The following MORF4L1 variants were observed in gnomAD, a reference collection of about 807,000 sequenced individuals.
The protein encoded by MORF4L1 is mortality factor 4-like protein 1.
MORF4L1 carries 4 observed loss-of-function variants against 52.9 expected under a neutral mutation model. That is an observed-to-expected ratio of 0.08 (90% CI 0.04 to 0.17). The LOEUF (loss-of-function observed/expected upper bound fraction) is 0.17. Among genes scored for constraint, MORF4L1 ranks in the 10% least tolerant of loss-of-function variants. The pLI, the probability that MORF4L1 is intolerant of heterozygous loss-of-function variation, is 1.00. For synonymous variants in MORF4L1, 123 were observed against 134.8 expected (o/e 0.91, Z 0.61); for missense variants, 214 against 390.4 (o/e 0.55, Z 3.81).
chr15:78,885,107 C>T (rs2141471235), intron 3 of MORF4L1: 1 of 1,538,868 alleles, frequency 6.5e-7, no homozygotes, highest in Non-Finnish European at 8.9e-7. Context: ...TTGAAATTTT[C>T]TCTAGGAAAT....
chr15:78,873,160 C>A, intron 1 of MORF4L1, 103 bp downstream of exon 1: 1 of 1,536,894 alleles, frequency 6.5e-7, no homozygotes, highest in South Asian at 1.2e-5. Context: ...GGGCTGCGCC[C>A]TGAGAAGGCG....
At chr15:78,877,896 G>GT in intron 1 of MORF4L1, 1 of 237,546 alleles carries the variant, frequency 4.2e-6, no homozygotes, top group East Asian at 8.4e-5. Flanking sequence ...CAGATATATA[G>GT]TTAAAACCAA....
At chr15:78,885,493 A>G (rs2056686189) in intron 3 of MORF4L1, among the ~76,000 whole-genome samples, 1 of 152,234 alleles carries the variant, frequency 6.6e-6, no homozygotes, top group Non-Finnish European at 1.5e-5. Flanking sequence ...ATTAGTGTGT[A>G]TTCATTTGTG....
At chr15:78,894,931 A>G (rs1208162822) in intron 11 of MORF4L1, 27 bp downstream of exon 11, 3 of 1,563,578 alleles carry the variant, frequency 1.9e-6, no homozygotes, top group Admixed American at 1.7e-5. Flanking sequence ...AATTATAAAC[A>G]TGGATTTGAA....
intron 4 of MORF4L1, 165 bp downstream of exon 4, chr15:78,886,392 C>A: frequency 1.5e-6 from 1 of 649,320 alleles, no homozygotes; most frequent in Non-Finnish European, 2.8e-6. Context: ...CAAGCCATAT[C>A]TAGGTAAAGG....
At chr15:78,876,261 T>C (rs1332176701) in intron 1 of MORF4L1, among the ~76,000 whole-genome samples, 1 of 151,548 alleles carries the variant, frequency 6.6e-6, no homozygotes, top group Non-Finnish European at 1.5e-5. Flanking sequence ...TAATGATTCT[T>C]GTAAACTTGT....
intron 11 of MORF4L1, among the ~76,000 whole-genome samples, chr15:78,895,904 C>T (rs985786243): frequency 7.9e-5 from 12 of 152,034 alleles, no homozygotes; most frequent in African/African-American, 2.2e-4. Context: ...TAAATACCTT[C>T]TTTGGACCTC....
At chr15:78,885,885 G>C (rs2056694784) in intron 3 of MORF4L1, among the ~76,000 whole-genome samples, 2 of 152,134 alleles carry the variant, frequency 1.3e-5, no homozygotes, top group African/African-American at 4.8e-5. Context: ...AAACTCTTAA[G>C]CCATTTCTAA....
chr15:78,897,808 GT>G lies in MORF4L1; in HGVS notation c.*746del, dbSNP rs1230415111. On this transcript the variant is annotated 3_prime_UTR_variant, in exon 12 of 12. Coordinates refer to ENST00000426013, the MANE Select transcript of MORF4L1 (RefSeq NM_006791.4). ...TATTCCTTCTTGTATTTAGACAGTGGTTTTTCAGGTGCGTGCTTTGTTTTCT... is the reference window on the plus strand; with the variant it reads ...TATTCCTTCTTGTATTTAGACAGTGGTTTTCAGGTGCGTGCTTTGTTTTCT... The G allele has an allele frequency of 6.6e-6, 1 of 152,602 alleles. No individual in the cohort carries two copies. The highest frequency in any genetic ancestry group is 2.4e-5 in the African/African-American group (1 of 41,442). 9.5% of individuals were successfully genotyped at this position (152,602 alleles called of 1,614,324 possible). A position where few individuals can be genotyped will look rare whatever the true frequency, so the allele number is the denominator to read the frequency against.
At chr15:78,876,305 GT>G (rs970558495) in intron 1 of MORF4L1, among the ~76,000 whole-genome samples, 133 of 151,376 alleles carry the variant, frequency 8.8e-4, no homozygotes, top group African/African-American at 1.6e-3. Context: ...TTATAAAAAA[GT>G]TTTTTTTTAT....
chr15:78,881,044 CAG>C (rs2056593037), intron 3 of MORF4L1, among the ~76,000 whole-genome samples: 1 of 151,912 alleles, frequency 6.6e-6, no homozygotes, highest in Non-Finnish European at 1.5e-5. Context: ...GAAATAAAGA[CAG>C]AATTTACCAG....
At position 78,873,330 on chromosome 15, in the gene MORF4L1, C is replaced by G. The variant is rs1000137768; in HGVS notation, c.40+273C>G. The G allele has an allele frequency of 7.7e-6, 8 of 1,043,192 alleles. No individual in the cohort carries two copies. In the South Asian group the frequency reaches 1.5e-4, roughly 20 times the overall value. The allele number at this position is 1,043,192 out of a possible 1,614,324, so 64.6% of individuals were successfully genotyped here. A position where few individuals can be genotyped will look rare whatever the true frequency, so the allele number is the denominator to read the frequency against. On this transcript the variant is annotated intron_variant, in intron 1 of 11. Coordinates refer to ENST00000426013, the MANE Select transcript of MORF4L1 (RefSeq NM_006791.4). ...CCCTCGTCAAGTGTTTGTTATTGTT[C>G]TGAGGAAGAGGGCGCGGAGAGAGCA...
intron 4 of MORF4L1, 48 bp from the exon 5 acceptor site, chr15:78,887,221 C>T (rs2056721929): frequency 5.4e-6 from 8 of 1,481,512 alleles, no homozygotes; most frequent in South Asian, 2.6e-5. Flanking sequence ...ATTTTTTTTT[C>T]ACATAAATGC....
chr15:78,874,197 A>G (rs1237376203), intron 1 of MORF4L1, among the ~76,000 whole-genome samples: 3 of 152,256 alleles, frequency 2.0e-5, no homozygotes, highest in African/African-American at 7.2e-5. Context: ...TTTCATTGCT[A>G]TGGAAATTTA....
intron 8 of MORF4L1, 120 bp downstream of exon 8, chr15:78,892,433 ATTT>A (rs2056816964): frequency 1.7e-6 from 1 of 590,572 alleles, no homozygotes; most frequent in Non-Finnish European, 3.0e-6. Context: ...ATAAAATAAT[ATTT>A]TAATTTAGAG....
intron 3 of MORF4L1, among the ~76,000 whole-genome samples, chr15:78,884,208 A>AAAAAAAGAC (rs1555439761): frequency 6.8e-6 from 1 of 146,596 alleles, no homozygotes; most frequent in Admixed American, 6.8e-5. Flanking sequence ...CATCTCAAAA[A>AAAAAAAGAC]AAAAAACAAA....
chr15:78,894,734 G>T (rs574217982), intron 10 of MORF4L1, 86 bp from the exon 11 acceptor site: 1 of 1,007,302 alleles, frequency 9.9e-7, no homozygotes, highest in Non-Finnish European at 1.6e-6. Flanking sequence ...AAAGGAATTG[G>T]TGGTGTTTGC....
intron 6 of MORF4L1, 183 bp from the exon 7 acceptor site, chr15:78,891,301 A>T: frequency 3.1e-6 from 2 of 654,160 alleles, no homozygotes; most frequent in South Asian, 3.8e-5. Context: ...GTCTATACTA[A>T]ATGTTCGGTA....
intron 5 of MORF4L1, among the ~76,000 whole-genome samples, chr15:78,888,836 A>G (rs1027626274): frequency 5.3e-5 from 8 of 152,190 alleles, no homozygotes; most frequent in Non-Finnish European, 1.5e-5. Flanking sequence ...GCAAGGATTA[A>G]GTGTGTTACT....
Sources: allele counts gnomAD v4.1 joint callset (sites outside exome capture counted in the v4.1 genomes callset), GRCh38; gene constraint gnomAD v4.1.1; transcripts MANE v1.5; gene names NCBI Gene and HGNC (gene_info 2026-07-23, HGNC 2026-07-21).